The following RTL4 variants were observed in gnomAD, a reference collection of about 807,000 sequenced individuals.
RTL4 encodes the protein retrotransposon Gag like 4.
In RTL4, 4 loss-of-function variants were observed where a neutral mutation model predicts 5.3. That is an observed-to-expected ratio of 0.75 (90% CI 0.37 to 1.72). The LOEUF (loss-of-function observed/expected upper bound fraction) is 1.72. Among genes scored for constraint, RTL4 ranks in the 40% most tolerant of loss-of-function variants. The pLI, the probability that RTL4 is intolerant of heterozygous loss-of-function variation, is 0.04. For synonymous variants in RTL4, 98 were observed against 87.3 expected, an observed-to-expected ratio of 1.12 and a Z score of -0.68; for missense variants, 260 against 227.1, an observed-to-expected ratio of 1.14 and a Z score of -0.93.
chrX:112,106,988 ATTTCT>A, the RTL4 span, among the ~76,000 whole-genome samples: 1 of 111,559 alleles, frequency 9.0e-6, no homozygotes, highest in Non-Finnish European at 1.9e-5. Flanking sequence ...TTGTTGATTG[ATTTCT>A]TTGCTGTGCA....
the RTL4 span, among the ~76,000 whole-genome samples, chrX:112,333,970 C>T: frequency 1.5e-4 from 16 of 104,527 alleles, no homozygotes; most frequent in Admixed American, 5.2e-4. Flanking sequence ...TTTCCAACCT[C>T]TGGAAATCAT....
At chrX:112,315,186 A>T in the RTL4 span, among the ~76,000 whole-genome samples, 1 of 111,756 alleles carries the variant, frequency 8.9e-6, no homozygotes, top group Non-Finnish European at 1.9e-5. Context: ...CTCTCCCTCC[A>T]GGAGCCACGT....
At chrX:112,138,160 A>C in the RTL4 span, among the ~76,000 whole-genome samples, 2 of 112,716 alleles carry the variant, frequency 1.8e-5, no homozygotes, top group African/African-American at 6.4e-5. Context: ...GAAATACTGC[A>C]TCATACTACT....
the RTL4 span, among the ~76,000 whole-genome samples, chrX:112,285,369 T>C: frequency 2.5e-3 from 277 of 112,320 alleles, no homozygotes; most frequent in African/African-American, 8.5e-3. Flanking sequence ...CTGCAAATCA[T>C]GAACCATAAT....
At chrX:112,201,572 A>G in the RTL4 span, among the ~76,000 whole-genome samples, 1 of 110,478 alleles carries the variant, frequency 9.1e-6, no homozygotes, top group Admixed American at 9.7e-5. Flanking sequence ...ACAATGAAGT[A>G]GAGGAGGACT....
the RTL4 span, among the ~76,000 whole-genome samples, chrX:112,225,484 T>C: frequency 8.9e-6 from 1 of 111,931 alleles, no homozygotes; most frequent in Non-Finnish European, 1.9e-5. Flanking sequence ...GAAAACCTGG[T>C]GAGAAACTTG....
chrX:112,200,965 T>C, the RTL4 span, among the ~76,000 whole-genome samples: 1 of 111,846 alleles, frequency 8.9e-6, no homozygotes, highest in Admixed American at 9.5e-5. Flanking sequence ...ATTTGAATCC[T>C]ACCTTGTATT....
At chrX:112,303,124 T>C in the RTL4 span, among the ~76,000 whole-genome samples, 1 of 111,831 alleles carries the variant, frequency 8.9e-6, no homozygotes, top group South Asian at 3.8e-4. Flanking sequence ...TCAACCGTGG[T>C]CCACGTAGAC....
the RTL4 span, among the ~76,000 whole-genome samples, chrX:112,408,433 A>G: frequency 9.4e-6 from 1 of 106,523 alleles, no homozygotes; most frequent in East Asian, 3.0e-4. Context: ...GTGAGCGTGG[A>G]GACAGGCTAT....
chrX:112,451,589 G>A (rs1028122574), upstream of RTL4, among the ~76,000 whole-genome samples: 1 of 111,853 alleles, frequency 8.9e-6, no homozygotes, highest in Non-Finnish European at 1.9e-5. Context: ...TATGAGGCAG[G>A]TATTATAATC....
the RTL4 span, among the ~76,000 whole-genome samples, chrX:112,431,941 T>C: frequency 1.1e-5 from 1 of 95,049 alleles, no homozygotes; most frequent in Non-Finnish European, 2.1e-5. Context: ...CCATGTGTTC[T>C]CATTGTTCAA....
the RTL4 span, among the ~76,000 whole-genome samples, chrX:112,118,819 T>C: frequency 9.0e-6 from 1 of 111,709 alleles, no homozygotes; most frequent in Non-Finnish European, 1.9e-5. Flanking sequence ...TTTATCAGTT[T>C]TCCAATTTTT....
At chrX:112,127,559 T>C in the RTL4 span, among the ~76,000 whole-genome samples, 54 of 111,802 alleles carry the variant, frequency 4.8e-4, no homozygotes, top group African/African-American at 1.1e-3. Context: ...AACATTGTAG[T>C]GGAAGTTCTA....
At chrX:112,377,827 C>A in the RTL4 span, among the ~76,000 whole-genome samples, 14 of 111,944 alleles carry the variant, frequency 1.3e-4, no homozygotes, top group Non-Finnish European at 2.6e-4. Context: ...CACACATTCC[C>A]AATAGCAGAA....
chrX:112,352,832 G>A, the RTL4 span, among the ~76,000 whole-genome samples: 15 of 111,474 alleles, frequency 1.3e-4, no homozygotes, highest in Admixed American at 1.1e-3. Context: ...TTGACAAATG[G>A]GACCTAATTA....
At chrX:112,344,036 A>G in the RTL4 span, among the ~76,000 whole-genome samples, 1 of 112,336 alleles carries the variant, frequency 8.9e-6, no homozygotes, top group Non-Finnish European at 1.9e-5. Context: ...CTTTTAGGGA[A>G]TAGTGGTACA....
chrX:112,112,502 T>C, the RTL4 span, among the ~76,000 whole-genome samples: 2 of 112,206 alleles, frequency 1.8e-5, no homozygotes, highest in East Asian at 5.6e-4. Flanking sequence ...TAGGCTGTAT[T>C]CATTCCTTGT....
chrX:112,378,656 T>G, the RTL4 span, among the ~76,000 whole-genome samples: 18 of 112,030 alleles, frequency 1.6e-4, no homozygotes, highest in African/African-American at 5.5e-4. Context: ...CAGAATGATT[T>G]GGTAAGGTGA....
At chrX:112,119,780 A>G in the RTL4 span, among the ~76,000 whole-genome samples, 2 of 111,596 alleles carry the variant, frequency 1.8e-5, no homozygotes, top group Non-Finnish European at 3.8e-5. Context: ...AGCACCAACC[A>G]GGGAAAGGAT....
Sources: gnomAD v4.1 joint callset for allele counts (sites outside exome capture counted in the v4.1 genomes callset) on GRCh38, gnomAD v4.1.1 for gene constraint, MANE v1.5 for transcripts, NCBI Gene and HGNC (gene_info 2026-07-23, HGNC 2026-07-21) for gene names.